Variants in SEMA4D observed in about 807,000 individuals in gnomAD.
SEMA4D encodes semaphorin-4D.
In SEMA4D, 22 loss-of-function variants were observed where a neutral mutation model predicts 74.8. The observed-to-expected ratio is 0.29, with a 90% confidence interval of 0.21 to 0.42. SEMA4D has a LOEUF of 0.42. SEMA4D is among the 10% of genes least tolerant of loss of function. SEMA4D has a pLI of 1.00. For synonymous variants in SEMA4D, 445 were observed against 463.7 expected (o/e 0.96, Z 0.52); for missense variants, 937 against 1,118.4 (o/e 0.84, Z 2.31).
intron 2 of SEMA4D, among the ~76,000 whole-genome samples, chr9:89,411,396 G>A (rs1844501317): frequency 1.3e-5 from 2 of 152,110 alleles, no homozygotes; most frequent in Admixed American, 6.6e-5. Flanking sequence ...AGAGGGAAAG[G>A]GAGGGGACAA....
intron 5 of SEMA4D, among the ~76,000 whole-genome samples, chr9:89,398,573 G>A (rs989179362): frequency 1.3e-5 from 2 of 152,208 alleles, no homozygotes; most frequent in Admixed American, 1.3e-4. Flanking sequence ...TGCCCTCACT[G>A]GCAGAGGACA....
chr9:89,371,170 G>A (rs555106911), intron 16 of SEMA4D, among the ~76,000 whole-genome samples: 2 of 99,382 alleles, frequency 2.0e-5, no homozygotes. Flanking sequence ...GGGTGTATAA[G>A]GTGTGTGTGG....
rs546984676 is a variant in SEMA4D at position 89,363,912 on chromosome 9, G to A, written c.1921C>T (p.Arg641Ter). ...ACAGGGACACAGGTCTCCAGAGCTC[G>A]CCCATTCTTCTCCCAGACAAAGCGA... Residue 641 changes from arginine (R) to a stop codon, truncating the protein, a stop_gained, in exon 17 of 19, where the codon CGA becomes TGA. Transcript: ENST00000339861. LOFTEE classifies it high-confidence loss of function. 102 of 1,614,096 alleles carry A rather than the reference G, an allele frequency of 6.3e-5. No individual in the cohort carries two copies. Among genetic ancestry groups the A allele is most frequent in the Middle Eastern group, 3.3e-4 (2 of 6,062 alleles).
chr9:89,485,247 G>A (rs1360786797), intron 1 of SEMA4D, among the ~76,000 whole-genome samples: 2 of 152,110 alleles, frequency 1.3e-5, no homozygotes, highest in Admixed American at 1.3e-4. Flanking sequence ...GATGTATTAT[G>A]CTGACTTCTC....
intron 1 of SEMA4D, among the ~76,000 whole-genome samples, chr9:89,477,392 T>C (rs931364485): frequency 6.6e-6 from 1 of 152,132 alleles, no homozygotes; most frequent in African/African-American, 2.4e-5. Context: ...ACAGGGGCCA[T>C]CACATGTCCT....
At position 89,484,295 on chromosome 9, in the gene SEMA4D, TC is replaced by T. The variant is rs1824969437; in HGVS notation, c.-310+13623del. Among the ~76,000 whole-genome samples, 1 of 152,172 alleles carries T rather than the reference TC, an allele frequency of 6.6e-6. No individual in the cohort carries two copies. Among genetic ancestry groups the T allele is most frequent in the African/African-American group, 2.4e-5 (1 of 41,442 alleles). On this transcript the variant is annotated intron_variant, in intron 1 of 15. Transcript: ENST00000422704. This position sits in a 1 kb window ranked among gnomAD's most constrained non-coding sequence, Gnocchi z 4.1. ...CTGGGAACAAGGCACGCATGACCAGTCTAGGAAAAGTGTGCAAAGCTCTCAA... is the reference window on the plus strand; with the variant it reads ...CTGGGAACAAGGCACGCATGACCAGTTAGGAAAAGTGTGCAAAGCTCTCAA...
chr9:89,389,810 T>A (rs749136963), intron 9 of SEMA4D, among the ~76,000 whole-genome samples: 9 of 152,214 alleles, frequency 5.9e-5, no homozygotes, highest in Non-Finnish European at 1.2e-4. Context: ...CTCTTTTTGA[T>A]AAAAGGACTT....
At position 89,427,431 on chromosome 9, in the gene SEMA4D, G is replaced by A. The variant is rs532992121; in HGVS notation, c.-243-21732C>T. The stretch of plus-strand genomic sequence containing the variant: ...CAGCCCCTGCCTCCCTGAGACAGCC[G>A]GGGCCTGGGGAGTAACCCCTGCCGT... On this transcript the variant is annotated intron_variant, in intron 2 of 15. Coordinates refer to ENST00000422704, the MANE Select transcript of SEMA4D (RefSeq NM_001371194.2). Among the ~76,000 whole-genome samples the A allele has an allele frequency of 2.6e-3, 398 of 152,238 alleles. 2 individuals carry two copies. Among genetic ancestry groups the A allele is most frequent in the African/African-American group, 9.1e-3 (377 of 41,526 alleles).
chr9:89,452,887 CATTA>C (rs1854963563), intron 2 of SEMA4D, among the ~76,000 whole-genome samples: 1 of 152,300 alleles, frequency 6.6e-6, no homozygotes, highest in Admixed American at 6.5e-5. Flanking sequence ...CATTGTTCAT[CATTA>C]GTCAGAGTAA....
At chr9:89,479,688 T>G (rs1265498962) in intron 1 of SEMA4D, 1 of 161,208 alleles carries the variant, frequency 6.2e-6, no homozygotes, top group Non-Finnish European at 1.3e-5. Flanking sequence ...TCACGGTGAG[T>G]GTTACAGCTC....
intron 1 of SEMA4D, among the ~76,000 whole-genome samples, chr9:89,462,974 GGGAGC>G: frequency 1.2e-5 from 1 of 85,846 alleles, no homozygotes. Context: ...GCGAGGGGAG[GGGAGC>G]GAGGGAGAAA....
In SEMA4D at chr9:89,381,009, G is replaced by A; in HGVS notation, c.1663+46C>T. 1 of 1,608,824 alleles carries A rather than the reference G, an allele frequency of 6.2e-7. No homozygotes were observed. The highest frequency in any genetic ancestry group is 1.1e-5 in the South Asian group (1 of 90,966). On this transcript the variant is annotated intron_variant, in intron 15 of 15. Transcript: ENST00000422704. The surrounding 1 kb of genome is among the most constrained non-coding windows in gnomAD (Gnocchi z 4.6). Reference sequence around the variant, plus strand: ...CTGAAGCACCGTGAAATGGCTACAAGACCTCGCCACTCCCAAAGGAAATGG... The same window carrying A: ...CTGAAGCACCGTGAAATGGCTACAAAACCTCGCCACTCCCAAAGGAAATGG...
intron 2 of SEMA4D, among the ~76,000 whole-genome samples, chr9:89,440,398 A>C (rs1851439728): frequency 6.6e-6 from 1 of 152,000 alleles, no homozygotes; most frequent in African/African-American, 2.4e-5. Context: ...AAAAGCCTTC[A>C]ACAGCTCTTT....
At chr9:89,449,186 C>T (rs1853714159) in intron 2 of SEMA4D, among the ~76,000 whole-genome samples, 1 of 152,208 alleles carries the variant, frequency 6.6e-6, no homozygotes, top group African/African-American at 2.4e-5. Flanking sequence ...TGGCTATTTG[C>T]TAAGGCCCAG....
intron 2 of SEMA4D, chr9:89,405,941 G>A (rs1843228336): frequency 1.7e-6 from 2 of 1,162,748 alleles, no homozygotes. Flanking sequence ...CAGAACACAG[G>A]ACAGACACAT....
At chr9:89,454,886 A>C (rs1855558797) in intron 2 of SEMA4D, among the ~76,000 whole-genome samples, 1 of 152,250 alleles carries the variant, frequency 6.6e-6, no homozygotes, top group Non-Finnish European at 1.5e-5. Context: ...GCGTGTGCCT[A>C]GCACGGGTGA....
At chr9:89,385,865 T>TTGGGGGGGGGGGGC in intron 13 of SEMA4D, 4 of 213,330 alleles carry the variant, frequency 1.9e-5, no homozygotes, top group Non-Finnish European at 3.2e-5. Context: ...CCAGCGTGGA[T>TTGGGGGGGGGGGGC]GCCCGCCCAC....
Position 89,484,139 on chromosome 9 carries a change from G to T in SEMA4D, c.-310+13780C>A, listed in dbSNP as rs569241397. Reference sequence around the variant, plus strand: ...CAGGAACTGGAGCCTTAAAGAGGACGCCGCGGCCACCCCGCCCTGCAGGCC... The same window carrying T: ...CAGGAACTGGAGCCTTAAAGAGGACTCCGCGGCCACCCCGCCCTGCAGGCC... On this transcript the variant is annotated intron_variant, in intron 1 of 15. Transcript: ENST00000422704. This position sits in a 1 kb window ranked among gnomAD's most constrained non-coding sequence, Gnocchi z 4.1. 6.6e-6 allele frequency among the ~76,000 whole-genome samples: 1 copy of T among 152,238 alleles called. No individual in the cohort carries two copies. The highest frequency in any genetic ancestry group is 2.4e-5 in the African/African-American group (1 of 41,470).
chr9:89,404,136 A>C (rs1011159074), intron 3 of SEMA4D, among the ~76,000 whole-genome samples: 2 of 152,064 alleles, frequency 1.3e-5, no homozygotes, highest in African/African-American at 4.8e-5. Context: ...GGGTCCCCAG[A>C]CACATCCTCC....
Sources: gnomAD v4.1 joint callset for allele counts (sites outside exome capture counted in the v4.1 genomes callset) on GRCh38, gnomAD v4.1.1 for gene constraint, Gnocchi (gnomAD v3.1) non-coding constraint, MANE v1.5 for transcripts, NCBI Gene and HGNC (gene_info 2026-07-23, HGNC 2026-07-21) for gene names.